PKHD1: variants seen among roughly 807,000 people sequenced by gnomAD.
The protein encoded by PKHD1 is fibrocystin.
In PKHD1, 291 loss-of-function variants were observed where a neutral mutation model predicts 412.0. The observed-to-expected ratio is 0.71, with a 90% CI of 0.64 to 0.78. The LOEUF (loss-of-function observed/expected upper bound fraction) is 0.78, where lower values mean the gene tolerates loss of function less well. PKHD1 is among the 30% of genes least tolerant of loss of function. PKHD1 has a pLI of 0.00. For synonymous variants in PKHD1, 1,777 were observed against 1,821.5 expected, an observed-to-expected ratio of 0.98 and a Z score of 0.62; for missense variants, 4,825 against 4,950.7, an observed-to-expected ratio of 0.97 and a Z score of 0.76.
At chr6:51,728,261 G>C (rs1782821620) in intron 60 of PKHD1, among the ~76,000 whole-genome samples, 1 of 152,152 alleles carries the variant, frequency 6.6e-6, no homozygotes. Context: ...TAACCTGGCA[G>C]GGTCTACGAT....
At chr6:51,884,452 A>T (rs1193806033) in intron 45 of PKHD1, among the ~76,000 whole-genome samples, 1 of 152,202 alleles carries the variant, frequency 6.6e-6, no homozygotes. Flanking sequence ...TAAAATAGGG[A>T]AGGATAAATC....
chr6:51,659,927 A>G lies in PKHD1; in HGVS notation c.10199T>C (p.Met3400Thr). 1 of 1,612,422 alleles carries G rather than the reference A, an allele frequency of 6.2e-7. No individual in the cohort carries two copies. The highest frequency in any genetic ancestry group is 2.2e-5 in the East Asian group (1 of 44,820). ...AGTCTGTTTGCAGATGAATCCTTGC[A>G]TCAGAAATTGGTATGTACATTTCTG... ...EEQKCTYQFL[M>T]QGFICKQTDQ... Residue 3400 changes from methionine (M) to threonine (T), a missense_variant, in exon 61 of 67, where the codon ATG becomes ACG. Coordinates refer to ENST00000371117, the MANE Select transcript of PKHD1 (RefSeq NM_138694.4).
intron 53 of PKHD1, among the ~76,000 whole-genome samples, chr6:51,779,116 T>C (rs1001491618): frequency 6.6e-6 from 1 of 152,122 alleles, no homozygotes; most frequent in Non-Finnish European, 1.5e-5. Context: ...TGCTCAAAGT[T>C]CTCCACTGCA....
chr6:51,825,204 T>G (rs1767113686), intron 52 of PKHD1, among the ~76,000 whole-genome samples: 1 of 152,180 alleles, frequency 6.6e-6, no homozygotes, highest in Admixed American at 6.6e-5. Flanking sequence ...AGAGGTAGAT[T>G]AAAGACAGCT....
intron 55 of PKHD1, among the ~76,000 whole-genome samples, chr6:51,770,150 T>C (rs1174829333): frequency 1.3e-5 from 2 of 151,794 alleles, no homozygotes; most frequent in Non-Finnish European, 3.0e-5. Context: ...GATTTGGAAC[T>C]GAAAGAGATA....
In PKHD1 at chr6:52,024,539, TAAAG is replaced by T. The variant is rs547420704; in HGVS notation, c.5236+31_5236+34del. The T allele has an allele frequency of 6.4e-3, 10,155 of 1,590,448 alleles. 53 individuals carry two copies. Among genetic ancestry groups the T allele is most frequent in the Non-Finnish European group, 7.7e-3 (8,917 of 1,159,508 alleles). ...GAAAGGAGCTACCAATTCATTTACA[TAAAG>T]AAAGTGTGCTGTCTTATTTGCTTGA... On this transcript the variant is annotated intron_variant, in intron 32 of 66. Transcript: ENST00000371117.
chr6:51,956,457 C>T (rs1791159305), intron 36 of PKHD1, among the ~76,000 whole-genome samples: 1 of 151,982 alleles, frequency 6.6e-6, no homozygotes, highest in South Asian at 2.1e-4. Context: ...TCCATTCTTT[C>T]TACAATCAAC....
At chr6:51,934,392 T>A in intron 36 of PKHD1, 70 bp from the exon 37 acceptor site, 1 of 915,628 alleles carries the variant, frequency 1.1e-6, no homozygotes, top group Non-Finnish European at 1.8e-6. Flanking sequence ...TTTCAATGCC[T>A]GATGAAATCC....
intron 35 of PKHD1, among the ~76,000 whole-genome samples, chr6:51,961,447 T>C (rs1186133155): frequency 2.0e-5 from 3 of 152,074 alleles, no homozygotes; most frequent in African/African-American, 4.8e-5. Flanking sequence ...CCAGTTCCAG[T>C]ATCACAGAAA....
At chr6:51,775,947 T>G (rs1208845407) in intron 53 of PKHD1, 26 bp from the exon 54 acceptor site, 6 of 1,048,720 alleles carry the variant, frequency 5.7e-6, no homozygotes, top group Non-Finnish European at 9.0e-6. Context: ...AGTATATCAT[T>G]CAAATCAATT....
At position 51,615,814 on chromosome 6, in the gene PKHD1, C is replaced by T. The variant is rs927748503; in HGVS notation, c.*3267G>A. ...TCAACTGTTCTTGGTCCTTGGTGGC[C>T]TCACTGGGCAGTAACAAGGGCAAGT... is the stretch of plus-strand genomic sequence containing the variant. On this transcript the variant is annotated 3_prime_UTR_variant, in exon 67 of 67. Transcript: ENST00000371117. 4 of 152,108 alleles carry T rather than the reference C, an allele frequency of 2.6e-5. No individual in the cohort carries two copies. Among genetic ancestry groups the T allele is most frequent in the Non-Finnish European group, 5.9e-5 (4 of 68,036 alleles). The allele number at this position is 152,108 out of a possible 1,614,324, so 9.4% of individuals were successfully genotyped here.
At chr6:51,981,340 CCTCTCCCTCTCCCTCTCCCTCT>C in intron 35 of PKHD1, among the ~76,000 whole-genome samples, 1 of 79,512 alleles carries the variant, frequency 1.3e-5, no homozygotes, top group East Asian at 3.1e-4. Context: ...TCTCCCTCTC[CCTCTCCCTCTCCCTCTCCCTCT>C]CCCTCTCCCT....
chr6:51,746,969 T>C (rs555846017), intron 58 of PKHD1, 80 bp from the exon 59 acceptor site: 57 of 865,790 alleles, frequency 6.6e-5, no homozygotes, highest in African/African-American at 1.3e-4. Context: ...AACTAAATAT[T>C]GTTATAATAA....
At chr6:52,053,331 T>C (rs1807181871) in intron 20 of PKHD1, 80 bp from the exon 21 acceptor site, 3 of 1,423,714 alleles carry the variant, frequency 2.1e-6, no homozygotes, top group Non-Finnish European at 2.9e-6. Context: ...GTTCCCAACC[T>C]GGGGGGCCTG....
rs774331743 is a variant in PKHD1, at chr6:51,870,518, C to T, written c.7472G>A (p.Cys2491Tyr). 2.5e-6 allele frequency: 4 copies of T among 1,611,952 alleles called. No homozygotes were observed. The highest frequency in any genetic ancestry group is 4.5e-5 in the East Asian group (2 of 44,838). ...CAAATAATTACCTTGTCCTTGGGAA[C>T]AGTCTGAACAGGTTCTAATGGCCAC... ...NCVAIRTCSD[C>Y]SQGQGGFTVK... The change falls in exon 47 of 67, where the codon TGT (cysteine) becomes TAT (tyrosine). Residue 2491 changes from cysteine (C) to tyrosine (Y), a missense_variant. By Grantham distance (194) the Cys-to-Tyr change is radical. Coordinates refer to ENST00000371117, the MANE Select transcript of PKHD1 (RefSeq NM_138694.4).
Position 52,033,086 on chromosome 6 carries a change from A to G in PKHD1, c.3308T>C (p.Val1103Ala). The G allele has an allele frequency of 6.2e-7, 1 of 1,610,848 alleles. No individual in the cohort carries two copies. The highest frequency in any genetic ancestry group is 1.7e-5 in the Admixed American group (1 of 60,012). Reference protein sequence around the residue: ...SAVLPRAFTYVSSLNPVIVTL... With the variant: ...SAVLPRAFTYASSLNPVIVTL... ...CACAATAACTGGATTTAAGGAAGAG[A>G]CATATGTAAATGCTCTGGGAAGAAC... Residue 1103 changes from valine (V) to alanine (A), a missense_variant, in exon 29 of 67, where the codon GTC (valine) becomes GCC (alanine). By Grantham distance (64) the Val-to-Ala change is moderately conservative. Coordinates refer to ENST00000371117, the MANE Select transcript of PKHD1 (RefSeq NM_138694.4).
At position 52,025,238 on chromosome 6, in the gene PKHD1, A is replaced by G. The variant is rs749014649; in HGVS notation, c.4572T>C (p.Leu1524=). The G allele has an allele frequency of 2.5e-6, 4 of 1,614,028 alleles. No individual in the cohort carries two copies. Among genetic ancestry groups the G allele is most frequent in the African/African-American group, 1.3e-5 (1 of 74,914 alleles). ...DEPMVFVDDQ[L]PCNVTFFNAS... ...CATTAAAAAAAGTTACATTGCAAGG[A>G]AGTTGATCATCCACAAATACCATCG... Residue 1524 remains leucine (L), a synonymous_variant, in exon 32 of 67, where the codon CTT becomes CTC. Coordinates refer to ENST00000371117, the MANE Select transcript of PKHD1 (RefSeq NM_138694.4).
chr6:51,969,687 T>C (rs951665789), intron 35 of PKHD1, among the ~76,000 whole-genome samples: 26 of 152,200 alleles, frequency 1.7e-4, no homozygotes, highest in African/African-American at 6.0e-4. Flanking sequence ...AAGATAATGG[T>C]TCCATACAGG....
At chr6:51,735,545 G>A (rs969116153) in intron 60 of PKHD1, among the ~76,000 whole-genome samples, 4 of 152,120 alleles carry the variant, frequency 2.6e-5, no homozygotes, top group African/African-American at 9.7e-5. Context: ...AAAGCTGACA[G>A]ATCTAAAACA....
Sources: gnomAD v4.1 joint callset for allele counts (sites outside exome capture counted in the v4.1 genomes callset) on GRCh38, gnomAD v4.1.1 for gene constraint, MANE v1.5 for transcripts, NCBI Gene and HGNC (gene_info 2026-07-23, HGNC 2026-07-21) for gene names.